ESRRB: variants seen among roughly 807,000 people sequenced by gnomAD.
The protein encoded by ESRRB is estrogen related receptor beta, also known as steroid hormone receptor ERR2.
In ESRRB, 16 loss-of-function variants were observed where a neutral mutation model predicts 46.0. That is an observed-to-expected ratio of 0.35 (90% CI 0.24 to 0.53). The LOEUF (loss-of-function observed/expected upper bound fraction) is 0.53, where lower values mean the gene tolerates loss of function less well. Among genes scored for constraint, ESRRB ranks in the 20% least tolerant of loss-of-function variants. The pLI is 0.93. For synonymous variants in ESRRB, 246 were observed against 259.6 expected, an observed-to-expected ratio of 0.95 and a Z score of 0.50; for missense variants, 488 against 607.4, an observed-to-expected ratio of 0.80 and a Z score of 2.07.
Position 76,500,865 on chromosome 14 carries a change from G to A in ESRRB, c.*2407G>A. 1 of 845,742 alleles carries A rather than the reference G, an allele frequency of 1.2e-6. No homozygotes were observed. 52.4% of individuals were successfully genotyped at this position (845,742 alleles called of 1,614,324 possible). On this transcript the variant is annotated 3_prime_UTR_variant, in exon 7 of 7. Transcript: ENST00000644823. ...GATGGTTGGTGTCCATGAGGTGGAAGCTGCTTTTATACTTAAAACTCAGAT... is the reference window on the plus strand; with the variant it reads ...GATGGTTGGTGTCCATGAGGTGGAAACTGCTTTTATACTTAAAACTCAGAT...
chr14:76,343,842 G>T (rs539140986), intron 1 of ESRRB, among the ~76,000 whole-genome samples: 1 of 152,342 alleles, frequency 6.6e-6, no homozygotes, highest in African/African-American at 2.4e-5. Context: ...TTTGTAGGAG[G>T]AGGAGTAAAG....
intron 1 of ESRRB, among the ~76,000 whole-genome samples, chr14:76,356,166 G>T (rs1884376508): frequency 6.6e-6 from 1 of 152,176 alleles, no homozygotes; most frequent in Admixed American, 6.5e-5. Context: ...TCAGAGAAGG[G>T]GCTAGGGTTT....
In ESRRB at chr14:76,482,460, C is replaced by A; in HGVS notation, c.689-138C>A. The A allele has an allele frequency of 1.2e-6, 1 of 808,486 alleles. No individual in the cohort carries two copies. Among genetic ancestry groups the A allele is most frequent in the Non-Finnish European group, 2.0e-6 (1 of 491,638 alleles). The allele number at this position is 808,486 out of a possible 1,614,324, so 50.1% of individuals were successfully genotyped here. On this transcript the variant is annotated intron_variant, in intron 4 of 6. Transcript: ENST00000644823. The surrounding 1 kb of genome is among the most constrained non-coding windows in gnomAD (Gnocchi z 4.3). ...TACCAGCAACTTCATGGAGCCAGAA[C>A]AGGAGGGGAGATTATAGCCGCTTTG...
chr14:76,423,284 C>T (rs768378479), intron 1 of ESRRB, among the ~76,000 whole-genome samples: 3 of 151,680 alleles, frequency 2.0e-5, no homozygotes, highest in Non-Finnish European at 2.9e-5. Flanking sequence ...GCTGGGATTA[C>T]AGATGTGTGC....
intron 3 of ESRRB, among the ~76,000 whole-genome samples, chr14:76,473,834 G>C (rs1463845734): frequency 6.6e-6 from 1 of 152,242 alleles, no homozygotes; most frequent in East Asian, 1.9e-4. Context: ...TGCCTGCAGT[G>C]GATTGGAGAG....
chr14:76,404,815 G>A (rs544804976), intron 1 of ESRRB, among the ~76,000 whole-genome samples: 1 of 152,254 alleles, frequency 6.6e-6, no homozygotes, highest in African/African-American at 2.4e-5. Context: ...GATAAATAGG[G>A]CACGGTAATC....
chr14:76,419,294 A>T (rs73318330), intron 1 of ESRRB, among the ~76,000 whole-genome samples: 30,737 of 151,904 alleles, frequency 0.2, 4,189 homozygotes, highest in African/African-American at 0.39. Flanking sequence ...GGATTACAGG[A>T]GTGAGCCACC....
intron 1 of ESRRB, among the ~76,000 whole-genome samples, chr14:76,342,514 A>G (rs1884203559): frequency 6.6e-6 from 1 of 152,288 alleles, no homozygotes; most frequent in African/African-American, 2.4e-5. Flanking sequence ...TGGTGCTCCC[A>G]CTTGCAGCTG....
At chr14:76,438,377 A>G (rs1460195114) in intron 1 of ESRRB, among the ~76,000 whole-genome samples, 4 of 152,134 alleles carry the variant, frequency 2.6e-5, no homozygotes, top group Admixed American at 1.3e-4. Context: ...CATTGTAGCC[A>G]TTGGCTGGGT....
At chr14:76,456,038 G>GCACACACACACACACACA (rs60824171) in intron 2 of ESRRB, among the ~76,000 whole-genome samples, 12 of 137,184 alleles carry the variant, frequency 8.7e-5, no homozygotes, top group African/African-American at 2.4e-4. Context: ...AGCGAAACTC[G>GCACACACACACACACACA]CACACACACA....
At chr14:76,349,385 C>T (rs960075888) in intron 1 of ESRRB, among the ~76,000 whole-genome samples, 4 of 152,166 alleles carry the variant, frequency 2.6e-5, no homozygotes, top group Non-Finnish European at 5.9e-5. Flanking sequence ...ACGCAATATC[C>T]ACAAATAATC....
chr14:76,385,102 C>T lies in ESRRB; in HGVS notation c.50+8651C>T, dbSNP rs76627785. The stretch of plus-strand genomic sequence containing the variant: ...CCTTTTTTGTATATGTATCGTGGAA[C>T]GAAGAAGCAGCTCTGCTTCACCTAA... On this transcript the variant is annotated intron_variant, in intron 1 of 6. Transcript: ENST00000644823. Among the ~76,000 whole-genome samples the T allele has an allele frequency of 3.3e-3, 509 of 151,950 alleles. 2 individuals carry two copies. Among genetic ancestry groups the T allele is most frequent in the African/African-American group, 0.011 (475 of 41,424 alleles).
rs1029140338 is a variant in ESRRB, at chr14:76,500,088, A to G, written c.*1630A>G. The G allele has an allele frequency of 1.9e-6, 3 of 1,543,744 alleles. No homozygotes were observed. The highest frequency in any genetic ancestry group is 2.6e-6 in the Non-Finnish European group (3 of 1,141,112). ...CCAGGTAACTTTCTGCAGCTTTTCC[A>G]TAGAAGCCCTGGTCCCACCTCCTTG... On this transcript the variant is annotated 3_prime_UTR_variant, in exon 7 of 7. Transcript: ENST00000644823.
chr14:76,315,430 C>T (rs1883788274), intron 1 of ESRRB, among the ~76,000 whole-genome samples: 1 of 152,194 alleles, frequency 6.6e-6, no homozygotes, highest in South Asian at 2.1e-4. Flanking sequence ...AAGCATGCGC[C>T]TTCCAAGTCA....
At chr14:76,352,616 C>T (rs1884327508) in intron 1 of ESRRB, among the ~76,000 whole-genome samples, 1 of 152,176 alleles carries the variant, frequency 6.6e-6, no homozygotes, top group Non-Finnish European at 1.5e-5. Context: ...GGACCTCTGG[C>T]GCAGGGAAGC....
chr14:76,419,100 C>T (rs1044969985), intron 1 of ESRRB, among the ~76,000 whole-genome samples: 46 of 151,884 alleles, frequency 3.0e-4, no homozygotes, highest in African/African-American at 1.0e-3. Context: ...CTACAACCTT[C>T]GCCTCTCAGG....
At chr14:76,335,334 A>G (rs1255975117) in intron 1 of ESRRB, among the ~76,000 whole-genome samples, 1 of 152,198 alleles carries the variant, frequency 6.6e-6, no homozygotes, top group Non-Finnish European at 1.5e-5. Context: ...AGTATATACC[A>G]GGCACTGTGT....
At chr14:76,446,059 T>C (rs2139949621) in intron 2 of ESRRB, among the ~76,000 whole-genome samples, 1 of 152,298 alleles carries the variant, frequency 6.6e-6, no homozygotes, top group South Asian at 2.1e-4. Context: ...AGGGGGAAGA[T>C]GGGCAAACTA....
rs533427929 is a variant in ESRRB, at chr14:76,329,065, G to A, written c.2+18149G>A. ...TATGGGAGTGGGAGGGTAAGAGAAG[G>A]GAAGGGGCTTGGCAGCCAGTATTTT... On this transcript the variant is annotated intron_variant, in intron 1 of 6. Coordinates refer to the ESRRB transcript ENST00000512784. Among the ~76,000 whole-genome samples the A allele has an allele frequency of 2.6e-5, 4 of 152,236 alleles. No homozygotes were observed. In the South Asian group the frequency reaches 8.3e-4, roughly 32 times the overall value.
Sources: gnomAD v4.1 joint callset for allele counts (sites outside exome capture counted in the v4.1 genomes callset) on GRCh38, gnomAD v4.1.1 for gene constraint, Gnocchi (gnomAD v3.1) non-coding constraint, MANE v1.5 for transcripts, NCBI Gene and HGNC (gene_info 2026-07-23, HGNC 2026-07-21) for gene names.